Variants in CEP85 observed in about 807,000 individuals in gnomAD.
CEP85 encodes centrosomal protein of 85 kDa.
Under a neutral mutation model 93.7 loss-of-function variants are expected in CEP85, and 58 were observed. That is an observed-to-expected ratio of 0.62 (90% CI 0.50 to 0.77). The LOEUF is 0.77. CEP85 is among the 30% of genes least tolerant of loss of function. The pLI is 0.00. For synonymous variants in CEP85, 314 were observed against 338.6 expected (o/e 0.93, Z 0.80); for missense variants, 868 against 922.0 (o/e 0.94, Z 0.76).
intron 10 of CEP85, 140 bp from the exon 11 acceptor site, chr1:26,271,881 G>A: frequency 1.4e-6 from 1 of 700,130 alleles, no homozygotes. Flanking sequence ...ATTCCTATAG[G>A]TAGAGTTCAC....
intron 7 of CEP85, among the ~76,000 whole-genome samples, chr1:26,265,961 A>C (rs2089887486): frequency 6.6e-6 from 1 of 151,958 alleles, no homozygotes; most frequent in Admixed American, 6.6e-5. Context: ...TAATCCCAGC[A>C]CTTTGGGAGG....
chr1:26,275,218 G>T, intron 12 of CEP85, 147 bp downstream of exon 12: 1 of 598,606 alleles, frequency 1.7e-6, no homozygotes. Flanking sequence ...AAGGTGCATT[G>T]CATCATTCTT....
intron 7 of CEP85, among the ~76,000 whole-genome samples, chr1:26,260,102 T>G (rs1220568308): frequency 6.6e-6 from 1 of 152,226 alleles, no homozygotes; most frequent in African/African-American, 2.4e-5. Flanking sequence ...AAAACCAACC[T>G]GAGTACTCAT....
intron 3 of CEP85, among the ~76,000 whole-genome samples, chr1:26,252,423 T>G (rs894687680): frequency 1.3e-5 from 2 of 151,606 alleles, no homozygotes; most frequent in South Asian, 2.1e-4. Flanking sequence ...TCCCAGCTAC[T>G]TGGGAGGCTG....
chr1:26,262,273 C>T (rs2089821632), intron 7 of CEP85, among the ~76,000 whole-genome samples: 1 of 151,912 alleles, frequency 6.6e-6, no homozygotes, highest in African/African-American at 2.4e-5. Context: ...CACCACTGCA[C>T]TTCCAGCCTG....
At chr1:26,244,098 TA>T in intron 2 of CEP85, 67 bp from the exon 3 acceptor site, 1 of 1,477,404 alleles carries the variant, frequency 6.8e-7, no homozygotes, top group Non-Finnish European at 9.2e-7. Context: ...TGTGATTTTT[TA>T]AAAAAAGATC....
At chr1:26,238,627 T>G (rs1311740586) in intron 1 of CEP85, among the ~76,000 whole-genome samples, 1 of 152,214 alleles carries the variant, frequency 6.6e-6, no homozygotes, top group Non-Finnish European at 1.5e-5. Context: ...ACTTAGTATG[T>G]GTCAGGAACT....
At chr1:26,244,615 T>G (rs183227137) in intron 3 of CEP85, among the ~76,000 whole-genome samples, 2 of 152,188 alleles carry the variant, frequency 1.3e-5, no homozygotes, top group East Asian at 3.9e-4. Flanking sequence ...CAGCCTCCCA[T>G]GCTGAGGTAA....
At position 26,276,738 on chromosome 1, in the gene CEP85, C is replaced by G. The variant is rs764581754; in HGVS notation, c.2106C>G (p.Leu702=). Residue 702 remains leucine, a synonymous_variant, in exon 13 of 14, where the codon CTC becomes CTG. Transcript: ENST00000451429. ...TQRAQGHDPN[L]SLLLGIHSQH... ...GGGCCCAGGGCCATGACCCCAATCT[C>G]TCCCTGCTCCTGGGCATTCACTGTG... The G allele has an allele frequency of 1.9e-6, 3 of 1,613,904 alleles. No homozygotes were observed. Among genetic ancestry groups the G allele is most frequent in the Admixed American group, 3.3e-5 (2 of 60,006 alleles).
At chr1:26,260,734 T>C (rs980057159) in intron 7 of CEP85, among the ~76,000 whole-genome samples, 1 of 151,948 alleles carries the variant, frequency 6.6e-6, no homozygotes, top group Non-Finnish European at 1.5e-5. Flanking sequence ...CACTTGGGGA[T>C]CTTGTTAAAA....
chr1:26,253,781 C>T (rs543200317), intron 3 of CEP85, among the ~76,000 whole-genome samples: 35 of 152,036 alleles, frequency 2.3e-4, no homozygotes, highest in African/African-American at 8.2e-4. Flanking sequence ...GTGGCTCACA[C>T]CTGTAATCCT....
At chr1:26,257,835 T>C in intron 5 of CEP85, 105 bp downstream of exon 5, 2 of 1,307,674 alleles carry the variant, frequency 1.5e-6, no homozygotes, top group Non-Finnish European at 2.1e-6. Flanking sequence ...TCTGTTTAGG[T>C]CCATGTCTTG....
intron 3 of CEP85, among the ~76,000 whole-genome samples, chr1:26,246,358 A>G (rs1302736407): frequency 6.6e-6 from 1 of 152,204 alleles, no homozygotes; most frequent in Non-Finnish European, 1.5e-5. Flanking sequence ...CCCACAACTG[A>G]TGAATGAATG....
chr1:26,255,488 G>A lies in CEP85; in HGVS notation c.526G>A (p.Ala176Thr), dbSNP rs1197265973. 1.9e-6 allele frequency: 3 copies of A among 1,614,102 alleles called. No individual in the cohort carries two copies. In the South Asian group the frequency reaches 3.3e-5, roughly 18 times the overall value. Residue 176 changes from alanine (A) to threonine (T), a missense_variant, in exon 4 of 14, where the codon GCG becomes ACG. Coordinates refer to ENST00000451429, the MANE Select transcript of CEP85 (RefSeq NM_001319944.2). ...PAVGHERQEE[A>T]RKFDIPSMES... ...AGTGGGCCATGAAAGACAAGAAGAG[G>A]CGAGGAAGTTTGATATTCCTAGCAT...
At chr1:26,277,055 A>G in intron 13 of CEP85, 81 bp from the exon 14 acceptor site, 2 of 1,400,736 alleles carry the variant, frequency 1.4e-6, no homozygotes, top group Non-Finnish European at 2.0e-6. Flanking sequence ...TGGGTTCAAG[A>G]TACTGCCTAT....
At position 26,244,249 on chromosome 1, in the gene CEP85, A is replaced by G. The variant is rs1338040710; in HGVS notation, c.139A>G (p.Ser47Gly). Residue 47 changes from serine (S) to glycine (G), a missense_variant, in exon 3 of 14, where the codon AGC becomes GGC. Ser to Gly is a moderately conservative substitution (Grantham distance 56). Coordinates refer to ENST00000451429, the MANE Select transcript of CEP85 (RefSeq NM_001319944.2). ...CTCGGAGCCCTTTCGGAGCCGCTTC[A>G]GCCGCTGTTCAAGTGTAGCCGACAG... ...VISEPFRSRF[S>G]RCSSVADSGD... 2 of 1,613,928 alleles carry G rather than the reference A, an allele frequency of 1.2e-6. No individual in the cohort carries two copies. Among genetic ancestry groups the G allele is most frequent in the African/African-American group, 2.7e-5 (2 of 74,890 alleles).
At chr1:26,238,239 C>T (rs1184828560) in intron 1 of CEP85, among the ~76,000 whole-genome samples, 1 of 104,964 alleles carries the variant, frequency 9.5e-6, no homozygotes, top group African/African-American at 3.8e-5. Flanking sequence ...CTTGCTCTGT[C>T]GCCCAGGCTG....
At chr1:26,259,854 GTC>G in intron 7 of CEP85, 52 bp downstream of exon 7, 1 of 1,482,552 alleles carries the variant, frequency 6.7e-7, no homozygotes, top group Non-Finnish European at 9.1e-7. Context: ...GCAGTCAGCT[GTC>G]TACTCTAAAG....
chr1:26,257,746 G>A lies in CEP85; in HGVS notation c.1037+16G>A, dbSNP rs765524090. The A allele has an allele frequency of 6.8e-6, 11 of 1,613,580 alleles. No homozygotes were observed. Among genetic ancestry groups the A allele is most frequent in the Non-Finnish European group, 7.6e-6 (9 of 1,179,758 alleles). ...TCATTGACAAGTAAGAGGGCAAGGG[G>A]TACCACAGAGCCAGACTACTCTCCC... is the stretch of plus-strand genomic sequence containing the variant. On this transcript the variant is annotated intron_variant, in intron 5 of 13. Coordinates refer to ENST00000451429, the MANE Select transcript of CEP85 (RefSeq NM_001319944.2).
Sources: allele counts gnomAD v4.1 joint callset (sites outside exome capture counted in the v4.1 genomes callset), GRCh38; gene constraint gnomAD v4.1.1; transcripts MANE v1.5; gene names NCBI Gene and HGNC (gene_info 2026-07-23, HGNC 2026-07-21).